Variants in TMEM232 observed in about 807,000 individuals in gnomAD.
TMEM232 encodes the protein transmembrane protein 232.
In TMEM232, 80 loss-of-function variants were observed where a neutral mutation model predicts 78.8. That is an observed-to-expected ratio of 1.01 (90% CI 0.85 to 1.22). The LOEUF is 1.22. Among genes scored for constraint, TMEM232 ranks in the 50% most tolerant of loss-of-function variants. The pLI, the probability that TMEM232 is intolerant of heterozygous loss-of-function variation, is 0.00. For synonymous variants in TMEM232, 297 were observed against 254.3 expected (o/e 1.17, Z -1.60); for missense variants, 881 against 742.2 (o/e 1.19, Z -2.17).
intron 12 of TMEM232, among the ~76,000 whole-genome samples, chr5:110,452,597 G>C (rs1760435649): frequency 6.6e-6 from 1 of 152,056 alleles, no homozygotes; most frequent in Non-Finnish European, 1.5e-5. Flanking sequence ...AATTATCTCT[G>C]AGCAGATTCT....
intron 10 of TMEM232, among the ~76,000 whole-genome samples, chr5:110,594,948 G>A (rs950936458): frequency 2.0e-5 from 3 of 152,184 alleles, no homozygotes; most frequent in African/African-American, 7.2e-5. Context: ...CCCCTCAAAT[G>A]GGTCGGTGAC....
intron 5 of TMEM232, 40 bp from the exon 6 acceptor site, chr5:110,627,920 T>A: frequency 3.1e-6 from 4 of 1,285,000 alleles, no homozygotes; most frequent in Non-Finnish European, 4.3e-6. Flanking sequence ...TTGTGTTGCA[T>A]CAATAAATGT....
At chr5:110,738,321 G>C (rs1799430973), upstream of TMEM232, 1 of 1,134,166 alleles carries the variant, frequency 8.8e-7, no homozygotes, top group Non-Finnish European at 1.1e-6. Context: ...ATATAACTGG[G>C]ATTTCAATAC....
rs548395224 is a variant in TMEM232, at chr5:110,441,733, C to T, written c.1704-16817G>A. On this transcript the variant is annotated intron_variant, in intron 12 of 13. Transcript: ENST00000455884. ...CTACAAGCAATGGAATGAGGATGGA[C>T]TTTGGCTAACAGCCAGAGAGGTGCT... Among the ~76,000 whole-genome samples, 7 of 152,308 alleles carry T rather than the reference C, an allele frequency of 4.6e-5. No homozygotes were observed. In the East Asian group the frequency reaches 1.4e-3, roughly 29 times the overall value.
At chr5:110,430,499 G>A (rs564042577) in intron 12 of TMEM232, among the ~76,000 whole-genome samples, 18 of 151,618 alleles carry the variant, frequency 1.2e-4, no homozygotes, top group African/African-American at 4.3e-4. Context: ...AGTTTCAAAA[G>A]AGCTACTATT....
Position 110,538,711 on chromosome 5 carries a change from C to T in TMEM232, c.1456-9876G>A, listed in dbSNP as rs115579866. Among the ~76,000 whole-genome samples the T allele has an allele frequency of 2.8e-3, 420 of 152,156 alleles. 3 individuals carry two copies. Among genetic ancestry groups the T allele is most frequent in the African/African-American group, 9.9e-3 (409 of 41,500 alleles). On this transcript the variant is annotated intron_variant, in intron 11 of 13. Transcript: ENST00000455884. ...CAGGAATTAGATGAAGACTGAAGAC[C>T]GAAGGGGCCTGGGGTCTTCCTCACT...
At chr5:110,584,013 G>A (rs1403498545) in intron 10 of TMEM232, among the ~76,000 whole-genome samples, 1 of 149,340 alleles carries the variant, frequency 6.7e-6, no homozygotes, top group South Asian at 2.1e-4. Context: ...CGGCAGGGTT[G>A]TGAGGAAATT....
At chr5:110,579,513 A>T (rs1180461171) in intron 10 of TMEM232, among the ~76,000 whole-genome samples, 1 of 151,846 alleles carries the variant, frequency 6.6e-6, no homozygotes, top group Non-Finnish European at 1.5e-5. Context: ...TGTATACATA[A>T]TATAAATAGA....
chr5:110,407,675 G>C (rs1404696676), intron 2 of TMEM232, among the ~76,000 whole-genome samples: 1 of 152,094 alleles, frequency 6.6e-6, no homozygotes, highest in African/African-American at 2.4e-5. Flanking sequence ...GATCTAATAG[G>C]CCTAATTGAC....
At chr5:110,643,473 T>C (rs1448977041) in intron 2 of TMEM232, among the ~76,000 whole-genome samples, 1 of 151,802 alleles carries the variant, frequency 6.6e-6, no homozygotes, top group Non-Finnish European at 1.5e-5. Flanking sequence ...GTAGGACAAA[T>C]AAGTTGAAAG....
intron 10 of TMEM232, among the ~76,000 whole-genome samples, chr5:110,573,723 A>C (rs1363733450): frequency 6.6e-6 from 1 of 152,106 alleles, no homozygotes; most frequent in Non-Finnish European, 1.5e-5. Flanking sequence ...AACTTCCATG[A>C]GGAGGTGATA....
chr5:110,496,107 T>C (rs1765611452), intron 12 of TMEM232, among the ~76,000 whole-genome samples: 1 of 151,906 alleles, frequency 6.6e-6, no homozygotes, highest in Admixed American at 6.6e-5. Flanking sequence ...TCACAAATTA[T>C]TGAAAATGTA....
At chr5:110,407,862 A>C (rs1228635907) in intron 2 of TMEM232, among the ~76,000 whole-genome samples, 1 of 152,142 alleles carries the variant, frequency 6.6e-6, no homozygotes, top group African/African-American at 2.4e-5. Context: ...CCATCAAAAA[A>C]CCAGAGGGAC....
At chr5:110,529,375 A>G (rs1771093007) in intron 11 of TMEM232, among the ~76,000 whole-genome samples, 1 of 151,968 alleles carries the variant, frequency 6.6e-6, no homozygotes, top group African/African-American at 2.4e-5. Context: ...CCTCCCAAGT[A>G]GCTAGGACTA....
chr5:110,390,785 G>A (rs1755145904), intron 3 of TMEM232: 2 of 152,176 alleles, frequency 1.3e-5, no homozygotes, highest in Admixed American at 1.3e-4. Flanking sequence ...TGATATTTTG[G>A]TAAAAATGGT....
intron 12 of TMEM232, among the ~76,000 whole-genome samples, chr5:110,426,224 T>C (rs941024858): frequency 6.6e-6 from 1 of 152,038 alleles, no homozygotes. Context: ...CTACCATGGA[T>C]ATTTTCTTCC....
upstream of TMEM232, chr5:110,738,156 G>T (rs1391231903): frequency 1.7e-6 from 2 of 1,172,762 alleles, no homozygotes; most frequent in East Asian, 1.3e-4. Context: ...GGCTTCCAAC[G>T]AGTTGAAGGA....
intron 8 of TMEM232, among the ~76,000 whole-genome samples, chr5:110,617,039 C>T (rs1783009558): frequency 6.6e-6 from 1 of 152,196 alleles, no homozygotes; most frequent in Non-Finnish European, 1.5e-5. Flanking sequence ...GTCACACTGA[C>T]TGATGAATAA....
At chr5:110,439,723 T>C (rs746039486) in intron 12 of TMEM232, among the ~76,000 whole-genome samples, 5 of 152,042 alleles carry the variant, frequency 3.3e-5, no homozygotes, top group Non-Finnish European at 7.4e-5. Context: ...TCAAGACTTT[T>C]TGCATTTTAA....
Sources: allele counts gnomAD v4.1 joint callset (sites outside exome capture counted in the v4.1 genomes callset), GRCh38; gene constraint gnomAD v4.1.1; transcripts MANE v1.5; gene names NCBI Gene and HGNC (gene_info 2026-07-23, HGNC 2026-07-21).